CDK14: variants seen among roughly 807,000 people sequenced by gnomAD.
CDK14 encodes the protein cyclin dependent kinase 14.
CDK14 carries 34 observed loss-of-function variants against 60.7 expected under a neutral mutation model. That is an observed-to-expected ratio of 0.56 (90% CI 0.43 to 0.75). The LOEUF (loss-of-function observed/expected upper bound fraction) is 0.75, where lower values mean the gene tolerates loss of function less well. CDK14 is among the 30% of genes least tolerant of loss of function. CDK14 has a pLI of 0.00. For missense variants in CDK14, 482 were observed against 564.1 expected, an observed-to-expected ratio of 0.85 and a Z score of 1.47; for synonymous variants, 197 against 203.7, an observed-to-expected ratio of 0.97 and a Z score of 0.28.
intron 14 of CDK14, among the ~76,000 whole-genome samples, chr7:91,144,378 C>T (rs1403536336): frequency 6.6e-6 from 1 of 152,194 alleles, no homozygotes; most frequent in Non-Finnish European, 1.5e-5. Context: ...GCAATTTCTA[C>T]ATAAGCATTT....
At chr7:90,939,777 A>G (rs1031184009) in intron 8 of CDK14, among the ~76,000 whole-genome samples, 2 of 152,200 alleles carry the variant, frequency 1.3e-5, no homozygotes, top group Non-Finnish European at 1.5e-5. Context: ...ATGCAAGCCT[A>G]TCCCAGGTTT....
chr7:91,126,015 T>C (rs997610230), intron 14 of CDK14, among the ~76,000 whole-genome samples: 3 of 152,194 alleles, frequency 2.0e-5, no homozygotes, highest in African/African-American at 7.2e-5. Context: ...GTATTTATTT[T>C]ACATTATTAC....
chr7:90,890,725 G>T (rs922847126), intron 6 of CDK14, among the ~76,000 whole-genome samples: 1 of 152,126 alleles, frequency 6.6e-6, no homozygotes, highest in Non-Finnish European at 1.5e-5. Flanking sequence ...AATTCTTATA[G>T]CAATGTAGGC....
intron 2 of CDK14, among the ~76,000 whole-genome samples, chr7:90,637,991 A>T (rs1034488819): frequency 8.0e-6 from 1 of 124,932 alleles, no homozygotes; most frequent in Non-Finnish European, 1.6e-5. Context: ...TGCTTGGTAG[A>T]TCTTCATCCT....
intron 2 of CDK14, among the ~76,000 whole-genome samples, chr7:90,682,109 G>A (rs1424894865): frequency 6.6e-6 from 1 of 151,904 alleles, no homozygotes; most frequent in Non-Finnish European, 1.5e-5. Flanking sequence ...ATGCACTGAG[G>A]GTGTATTTGA....
At chr7:90,614,320 T>C (rs1026880877) in intron 2 of CDK14, among the ~76,000 whole-genome samples, 2 of 152,250 alleles carry the variant, frequency 1.3e-5, no homozygotes, top group African/African-American at 2.4e-5. Flanking sequence ...CCAAACACTC[T>C]TAACTCTTAT....
intron 6 of CDK14, among the ~76,000 whole-genome samples, chr7:90,868,293 A>C (rs1158919156): frequency 7.7e-6 from 1 of 129,986 alleles, no homozygotes; most frequent in Non-Finnish European, 1.8e-5. Context: ...TATACACACT[A>C]TATATATATA....
intron 14 of CDK14, among the ~76,000 whole-genome samples, chr7:91,164,093 A>C (rs983847436): frequency 2.0e-5 from 3 of 152,206 alleles, no homozygotes; most frequent in Non-Finnish European, 4.4e-5. Flanking sequence ...TTGACAGGGC[A>C]CGTAGCATAC....
chr7:90,911,471 A>G (rs1172564348), intron 7 of CDK14, among the ~76,000 whole-genome samples: 3 of 152,182 alleles, frequency 2.0e-5, no homozygotes, highest in Admixed American at 6.6e-5. Context: ...AATGACTCCT[A>G]TTAGTAGATT....
At chr7:90,865,038 A>G (rs768027997) in intron 6 of CDK14, among the ~76,000 whole-genome samples, 4 of 152,064 alleles carry the variant, frequency 2.6e-5, no homozygotes, top group African/African-American at 4.8e-5. Context: ...CTCTGCTTCT[A>G]TTGACCTGTC....
At chr7:91,170,833 C>T (rs1207936949) in intron 14 of CDK14, among the ~76,000 whole-genome samples, 4 of 144,150 alleles carry the variant, frequency 2.8e-5, no homozygotes, top group African/African-American at 1.0e-4. Flanking sequence ...GTGGCATGAT[C>T]TCAGCTCACT....
At chr7:91,023,526 G>A (rs1388815455) in intron 10 of CDK14, among the ~76,000 whole-genome samples, 1 of 152,142 alleles carries the variant, frequency 6.6e-6, no homozygotes, top group Non-Finnish European at 1.5e-5. Flanking sequence ...TCAGACACTA[G>A]ACTTCTCAGA....
intron 12 of CDK14, among the ~76,000 whole-genome samples, chr7:91,103,780 A>C (rs1414756379): frequency 6.6e-6 from 1 of 151,944 alleles, no homozygotes; most frequent in Non-Finnish European, 1.5e-5. Flanking sequence ...TTCACTATTC[A>C]TGTTACCTTC....
intron 2 of CDK14, among the ~76,000 whole-genome samples, chr7:90,636,497 G>A (rs1800153715): frequency 1.3e-5 from 2 of 151,996 alleles, no homozygotes; most frequent in Non-Finnish European, 2.9e-5. Flanking sequence ...CTTGATCATG[G>A]TGGATAAGCT....
intron 12 of CDK14, among the ~76,000 whole-genome samples, chr7:91,108,372 C>T (rs947794603): frequency 3.3e-5 from 5 of 152,190 alleles, no homozygotes; most frequent in African/African-American, 4.8e-5. Context: ...TTTGAGTTGA[C>T]CTTTCCTGAA....
intron 10 of CDK14, among the ~76,000 whole-genome samples, chr7:91,007,990 G>T (rs1411800402): frequency 6.6e-6 from 1 of 151,982 alleles, no homozygotes; most frequent in Non-Finnish European, 1.5e-5. Context: ...GTATGGTTCA[G>T]TGAGGGATGG....
intron 5 of CDK14, among the ~76,000 whole-genome samples, chr7:90,810,395 G>A (rs182346584): frequency 3.3e-5 from 5 of 152,286 alleles, no homozygotes; most frequent in Non-Finnish European, 5.9e-5. Context: ...AATAGATGTG[G>A]AAAAGACCTT....
chr7:90,942,484 C>T (rs988438124), intron 8 of CDK14, among the ~76,000 whole-genome samples: 3 of 152,166 alleles, frequency 2.0e-5, no homozygotes, highest in South Asian at 4.1e-4. Flanking sequence ...TGATCACAAC[C>T]AACAGTCCCA....
chr7:90,804,041 A>G (rs1031430474), intron 5 of CDK14, among the ~76,000 whole-genome samples: 4 of 152,198 alleles, frequency 2.6e-5, no homozygotes, highest in Non-Finnish European at 4.4e-5. Context: ...CTTTCTTTGT[A>G]TTCTATTATA....
Sources: gnomAD v4.1 joint callset for allele counts (sites outside exome capture counted in the v4.1 genomes callset) on GRCh38, gnomAD v4.1.1 for gene constraint, MANE v1.5 for transcripts, NCBI Gene and HGNC (gene_info 2026-07-23, HGNC 2026-07-21) for gene names.